The following XRCC4 variants were observed in gnomAD, a reference collection of about 807,000 sequenced individuals.
XRCC4 encodes the protein X-ray repair cross complementing 4, also known as DNA repair protein XRCC4.
A neutral mutation model predicts 39.1 loss-of-function variants in XRCC4; 28 were observed. That is an observed-to-expected ratio of 0.72 (90% confidence interval 0.53 to 0.98). The LOEUF (loss-of-function observed/expected upper bound fraction) is 0.98, where lower values mean the gene tolerates loss of function less well. Among genes scored for constraint, XRCC4 ranks in the 50% least tolerant of loss-of-function variants. The pLI, the probability that XRCC4 is intolerant of heterozygous loss-of-function variation, is 0.00. For synonymous variants in XRCC4, 123 were observed against 126.4 expected, an observed-to-expected ratio of 0.97 and a Z score of 0.18; for missense variants, 350 against 376.4, an observed-to-expected ratio of 0.93 and a Z score of 0.58.
intron 6 of XRCC4, among the ~76,000 whole-genome samples, chr5:83,241,516 C>G (rs376061817): frequency 3.3e-5 from 5 of 151,874 alleles, no homozygotes; most frequent in African/African-American, 1.2e-4. Context: ...GGAAAAAAGT[C>G]CACCTTTCAA....
intron 1 of XRCC4, among the ~76,000 whole-genome samples, chr5:83,082,417 C>T (rs143451228): frequency 2.0e-4 from 30 of 152,078 alleles, no homozygotes; most frequent in Admixed American, 1.7e-3. Flanking sequence ...ATAAATGCAC[C>T]GTGGTAGTAT....
intron 7 of XRCC4, among the ~76,000 whole-genome samples, chr5:83,331,766 C>T (rs1051712535): frequency 2.6e-5 from 4 of 152,008 alleles, no homozygotes; most frequent in Non-Finnish European, 1.5e-5. Context: ...TTTATTGGCA[C>T]AACTTTTCCT....
chr5:83,097,222 A>C (rs1745717268), intron 1 of XRCC4, among the ~76,000 whole-genome samples: 1 of 151,818 alleles, frequency 6.6e-6, no homozygotes, highest in Admixed American at 6.5e-5. Flanking sequence ...GCTATTTATA[A>C]CTGTTACTAT....
the XRCC4 span, among the ~76,000 whole-genome samples, chr5:83,365,198 G>T: frequency 6.6e-6 from 1 of 152,138 alleles, no homozygotes. Flanking sequence ...GCCCTGGAAA[G>T]CCCCATTCAA....
intron 3 of XRCC4, among the ~76,000 whole-genome samples, chr5:83,194,582 AT>A (rs1750859245): frequency 6.6e-6 from 1 of 152,214 alleles, no homozygotes; most frequent in Non-Finnish European, 1.5e-5. Flanking sequence ...TTTAAAAGCA[AT>A]ACCTTTTGGA....
chr5:83,290,845 A>G (rs1580471195), intron 7 of XRCC4, among the ~76,000 whole-genome samples: 1 of 151,854 alleles, frequency 6.6e-6, no homozygotes, highest in African/African-American at 2.4e-5. Context: ...ATTGGCAGGT[A>G]AAGACTTACT....
intron 2 of XRCC4, among the ~76,000 whole-genome samples, chr5:83,105,566 T>C (rs1393196781): frequency 1.3e-5 from 2 of 152,204 alleles, no homozygotes; most frequent in Non-Finnish European, 1.5e-5. Context: ...GGATCTTGGC[T>C]GTGATTTTAG....
At position 83,308,384 on chromosome 5, in the gene XRCC4, TG is replaced by T. The variant is rs879359113; in HGVS notation, c.894-44746del. ...TGTGGGATCTTTTCATGAAAAGTTG[TG>T]TATGCAGGAATAAGTTAATAACATA... On this transcript the variant is annotated intron_variant, in intron 7 of 7. Transcript: ENST00000396027. Among the ~76,000 whole-genome samples, 326 of 152,256 alleles carry T rather than the reference TG, an allele frequency of 2.1e-3. 2 individuals carry two copies. The highest frequency in any genetic ancestry group is 3.5e-3 in the Non-Finnish European group (239 of 67,996).
chr5:83,220,310 A>G (rs781770871), intron 6 of XRCC4, among the ~76,000 whole-genome samples: 8 of 152,174 alleles, frequency 5.3e-5, no homozygotes, highest in African/African-American at 7.2e-5. Context: ...AACAATTTCT[A>G]AATCAGTTAA....
chr5:83,202,775 G>A (rs1751262881), intron 4 of XRCC4, among the ~76,000 whole-genome samples: 2 of 152,094 alleles, frequency 1.3e-5, no homozygotes, highest in African/African-American at 4.8e-5. Flanking sequence ...GTATGTGTAT[G>A]CATATATTAA....
intron 3 of XRCC4, among the ~76,000 whole-genome samples, chr5:83,168,681 A>T (rs1749594058): frequency 6.6e-6 from 1 of 152,190 alleles, no homozygotes; most frequent in African/African-American, 2.4e-5. Flanking sequence ...TAGTAACTTA[A>T]TTACAAAAAA....
chr5:83,149,485 C>T (rs901110503), intron 3 of XRCC4, among the ~76,000 whole-genome samples: 3 of 150,882 alleles, frequency 2.0e-5, no homozygotes, highest in Admixed American at 6.6e-5. Flanking sequence ...ATGAATAACT[C>T]ATTCAATACA....
rs375643980 is a variant in XRCC4, at chr5:83,341,253, C to T, written c.894-11878C>T. ...TATTCAGCAAAAGTATCCCTCTCAGCTAAAATTCCTCTCAGCAGTTACCAT... is the reference window on the plus strand; with the variant it reads ...TATTCAGCAAAAGTATCCCTCTCAGTTAAAATTCCTCTCAGCAGTTACCAT... On this transcript the variant is annotated intron_variant, in intron 7 of 7. Coordinates refer to ENST00000396027, the MANE Select transcript of XRCC4 (RefSeq NM_003401.5). 1.9e-4 allele frequency among the ~76,000 whole-genome samples: 29 copies of T among 151,978 alleles called. No individual in the cohort carries two copies. In the South Asian group the frequency reaches 6.0e-3, roughly 32 times the overall value.
chr5:83,367,504 G>A, the XRCC4 span, among the ~76,000 whole-genome samples: 12 of 152,056 alleles, frequency 7.9e-5, no homozygotes, highest in Non-Finnish European at 1.8e-4. Context: ...CTCCTTGCAC[G>A]GGCCACTCTG....
intron 3 of XRCC4, among the ~76,000 whole-genome samples, chr5:83,119,511 CAA>C (rs1302092459): frequency 3.3e-5 from 5 of 152,208 alleles, no homozygotes; most frequent in Middle Eastern, 3.4e-3. Context: ...ATTTGAAAAA[CAA>C]AAATATCAGT....
chr5:83,246,224 T>C (rs1231188012), intron 6 of XRCC4, among the ~76,000 whole-genome samples: 1 of 152,106 alleles, frequency 6.6e-6, no homozygotes, highest in Non-Finnish European at 1.5e-5. Flanking sequence ...CTTTTCCAGC[T>C]GTGTTATGTT....
At chr5:83,136,695 A>G (rs944126373) in intron 3 of XRCC4, among the ~76,000 whole-genome samples, 8 of 152,212 alleles carry the variant, frequency 5.3e-5, no homozygotes. Flanking sequence ...AAATTATTGC[A>G]TAGAAAAAAA....
chr5:83,148,894 A>G (rs1045287276), intron 3 of XRCC4, among the ~76,000 whole-genome samples: 4 of 152,144 alleles, frequency 2.6e-5, no homozygotes, highest in Admixed American at 2.6e-4. Flanking sequence ...AGATTGTATC[A>G]AATGTACTCA....
chr5:83,240,907 C>A (rs1348544857), intron 6 of XRCC4, among the ~76,000 whole-genome samples: 1 of 152,064 alleles, frequency 6.6e-6, no homozygotes, highest in Non-Finnish European at 1.5e-5. Flanking sequence ...TGCGAATGTC[C>A]CACTGCACTT....
Sources: allele counts gnomAD v4.1 joint callset (sites outside exome capture counted in the v4.1 genomes callset), GRCh38; gene constraint gnomAD v4.1.1; transcripts MANE v1.5; gene names NCBI Gene and HGNC (gene_info 2026-07-23, HGNC 2026-07-21).